Variants in PAK5 observed in about 807,000 individuals in gnomAD.
PAK5 encodes serine/threonine-protein kinase PAK 5.
Under a neutral mutation model 65.9 loss-of-function variants are expected in PAK5, and 16 were observed. The ratio of observed to expected loss-of-function variants is 0.24; its 90% CI spans 0.16 to 0.37. The LOEUF is 0.37. Among genes scored for constraint, PAK5 ranks in the 10% least tolerant of loss-of-function variants. The pLI, the probability that PAK5 is intolerant of heterozygous loss-of-function variation, is 1.00. For missense variants in PAK5, 785 were observed against 903.9 expected (o/e 0.87, Z 1.69); for synonymous variants, 371 against 354.9 (o/e 1.05, Z -0.51).
At chr20:9,567,202 A>C (rs148600891) in intron 4 of PAK5, among the ~76,000 whole-genome samples, 5 of 152,184 alleles carry the variant, frequency 3.3e-5, no homozygotes, top group Admixed American at 2.6e-4. Context: ...TAATCCATCA[A>C]TGCACTCTGT....
At chr20:9,712,234 G>C (rs988471505) in intron 1 of PAK5, among the ~76,000 whole-genome samples, 23 of 152,034 alleles carry the variant, frequency 1.5e-4, no homozygotes, top group African/African-American at 5.3e-4. Context: ...CAAATAATGA[G>C]AATCAACTAT....
intron 2 of PAK5, among the ~76,000 whole-genome samples, chr20:9,692,416 G>A (rs1018704068): frequency 1.3e-5 from 2 of 152,166 alleles, no homozygotes; most frequent in Non-Finnish European, 2.9e-5. Context: ...ATGCATAGGA[G>A]TTTATCCACA....
At chr20:9,705,999 T>C (rs1040274279) in intron 2 of PAK5, among the ~76,000 whole-genome samples, 4 of 152,076 alleles carry the variant, frequency 2.6e-5, no homozygotes. Flanking sequence ...ACAATGAAAG[T>C]GGCTAGGGAA....
chr20:9,670,171 T>A (rs1212665603), intron 2 of PAK5, among the ~76,000 whole-genome samples: 1 of 152,200 alleles, frequency 6.6e-6, no homozygotes, highest in Non-Finnish European at 1.5e-5. Flanking sequence ...CAGTCTATCA[T>A]TGTTGGACAT....
intron 3 of PAK5, among the ~76,000 whole-genome samples, chr20:9,614,167 AAG>A (rs2046613266): frequency 6.6e-6 from 1 of 152,214 alleles, no homozygotes; most frequent in East Asian, 1.9e-4. Flanking sequence ...GAAAGAATAA[AAG>A]AGAAATGCGA....
chr20:9,636,005 A>C (rs532241006), intron 3 of PAK5, among the ~76,000 whole-genome samples: 1 of 152,314 alleles, frequency 6.6e-6, no homozygotes. Flanking sequence ...AGGAGGCACT[A>C]AAAGAAATAA....
intron 3 of PAK5, among the ~76,000 whole-genome samples, chr20:9,597,750 A>G (rs897389883): frequency 1.3e-5 from 2 of 152,148 alleles, no homozygotes; most frequent in Admixed American, 1.3e-4. Flanking sequence ...CCTGGTTACC[A>G]TGTGTACAAG....
intron 2 of PAK5, among the ~76,000 whole-genome samples, chr20:9,666,226 C>A (rs2047415204): frequency 6.6e-6 from 1 of 151,912 alleles, no homozygotes; most frequent in African/African-American, 2.4e-5. Context: ...GAGGGCATAA[C>A]TTGAGTCATA....
intron 3 of PAK5, among the ~76,000 whole-genome samples, chr20:9,618,913 T>C (rs1193104336): frequency 3.1e-5 from 4 of 131,080 alleles, no homozygotes; most frequent in African/African-American, 8.6e-5. Flanking sequence ...TCTCTTTCTT[T>C]CGTTTTTTTT....
intron 1 of PAK5, among the ~76,000 whole-genome samples, chr20:9,830,364 T>A (rs1978611235): frequency 6.6e-6 from 1 of 152,212 alleles, no homozygotes. Flanking sequence ...TTCCTATTTA[T>A]CATGAGAACT....
At chr20:9,828,723 G>T (rs1464514615) in intron 1 of PAK5, among the ~76,000 whole-genome samples, 3 of 152,304 alleles carry the variant, frequency 2.0e-5, no homozygotes, top group South Asian at 4.1e-4. Flanking sequence ...AATAGCTAAA[G>T]AATTTCTTAA....
At chr20:9,734,218 C>A (rs1322332591) in intron 1 of PAK5, among the ~76,000 whole-genome samples, 1 of 152,134 alleles carries the variant, frequency 6.6e-6, no homozygotes, top group African/African-American at 2.4e-5. Context: ...AAGTTGAAAA[C>A]CTGGGGAAAT....
At chr20:9,722,812 T>C (rs932233190) in intron 1 of PAK5, among the ~76,000 whole-genome samples, 6 of 151,292 alleles carry the variant, frequency 4.0e-5, no homozygotes, top group African/African-American at 1.2e-4. Context: ...TCTCGACTCA[T>C]TGCAACCTCC....
intron 2 of PAK5, among the ~76,000 whole-genome samples, chr20:9,671,547 G>C (rs1352303094): frequency 2.0e-5 from 3 of 151,852 alleles, no homozygotes; most frequent in Non-Finnish European, 4.4e-5. Context: ...TTGTGAATGG[G>C]AGTTCACTCA....
At chr20:9,593,308 G>GA (rs201745010) in intron 3 of PAK5, among the ~76,000 whole-genome samples, 38 of 150,212 alleles carry the variant, frequency 2.5e-4, no homozygotes, top group Admixed American at 7.3e-4. Context: ...TGTATCAAAA[G>GA]AAAAAAAAAG....
chr20:9,833,324 C>T (rs1477248531), intron 1 of PAK5, among the ~76,000 whole-genome samples: 5 of 152,178 alleles, frequency 3.3e-5, no homozygotes, highest in Non-Finnish European at 7.4e-5. Context: ...TCAATTCTTA[C>T]ACCAGTACTA....
chr20:9,645,375 C>A (rs1406058467), intron 2 of PAK5, among the ~76,000 whole-genome samples: 1 of 152,184 alleles, frequency 6.6e-6, no homozygotes, highest in Non-Finnish European at 1.5e-5. Context: ...GTTTGCATCC[C>A]AGCTAGGTCA....
intron 1 of PAK5, among the ~76,000 whole-genome samples, chr20:9,786,932 G>A (rs558369216): frequency 1.3e-5 from 2 of 152,234 alleles, no homozygotes; most frequent in African/African-American, 4.8e-5. Flanking sequence ...GCATTGCACT[G>A]TGGATTTTAA....
chr20:9,601,999 T>C (rs546252904), intron 3 of PAK5, among the ~76,000 whole-genome samples: 29 of 152,250 alleles, frequency 1.9e-4, no homozygotes, highest in African/African-American at 6.0e-4. Flanking sequence ...TTGGCAACCA[T>C]AGTTGACTAA....
Sources: gnomAD v4.1 joint callset for allele counts (sites outside exome capture counted in the v4.1 genomes callset) on GRCh38, gnomAD v4.1.1 for gene constraint, MANE v1.5 for transcripts, NCBI Gene and HGNC (gene_info 2026-07-23, HGNC 2026-07-21) for gene names.